Variants in NKAIN2 observed in about 807,000 individuals in gnomAD.
NKAIN2 encodes sodium/potassium transporting ATPase interacting 2, also known as sodium/potassium-transporting ATPase subunit beta-1-interacting protein 2.
NKAIN2 carries 14 observed loss-of-function variants against 32.6 expected under a neutral mutation model. The observed-to-expected ratio is 0.43, with a 90% CI of 0.28 to 0.67. The LOEUF (loss-of-function observed/expected upper bound fraction) is 0.67, where lower values mean the gene tolerates loss of function less well. Ranked by LOEUF, NKAIN2 falls within the 30% of genes least tolerant of loss-of-function variation. The pLI is 0.17. For synonymous variants in NKAIN2, 80 were observed against 87.2 expected (o/e 0.92, Z 0.46); for missense variants, 198 against 258.3 (o/e 0.77, Z 1.60).
At chr6:124,251,321 T>A (rs1159930765) in intron 1 of NKAIN2, among the ~76,000 whole-genome samples, 1 of 151,982 alleles carries the variant, frequency 6.6e-6, no homozygotes. Context: ...CATGTAAATT[T>A]TATCCAAAAG....
chr6:124,283,087 T>C lies in NKAIN2; in HGVS notation c.137T>C (p.Ile46Thr), dbSNP rs1235092034. 8.7e-6 allele frequency: 14 copies of C among 1,610,290 alleles called. No individual in the cohort carries two copies. The highest frequency in any genetic ancestry group is 1.2e-5 in the Non-Finnish European group (14 of 1,176,558). Residue 46 changes from isoleucine to threonine, a missense_variant, in exon 2 of 7, where the codon ATC (isoleucine) becomes ACC (threonine). Coordinates refer to ENST00000368417, the MANE Select transcript of NKAIN2 (RefSeq NM_001040214.3). ...CTGGCAAATTTTGTACATATTATTA[T>C]CGTCATTCTTGGTTTGTTTGGAACT... The part of the protein sequence containing the change: ...PILANFVHII[I>T]VILGLFGTIQ...
chr6:124,250,211 T>C (rs1028115059), intron 1 of NKAIN2, among the ~76,000 whole-genome samples: 3 of 152,084 alleles, frequency 2.0e-5, no homozygotes, highest in African/African-American at 4.8e-5. Flanking sequence ...GCTGGTGCCT[T>C]GATCAGGGAT....
chr6:124,395,968 A>T (rs548703421), intron 3 of NKAIN2, among the ~76,000 whole-genome samples: 6 of 152,258 alleles, frequency 3.9e-5, no homozygotes, highest in African/African-American at 1.4e-4. Flanking sequence ...ACTGTGTGCT[A>T]AGCCTCTAGG....
chr6:124,689,612 G>T (rs1254311492), intron 4 of NKAIN2, among the ~76,000 whole-genome samples: 1 of 151,872 alleles, frequency 6.6e-6, no homozygotes, highest in Non-Finnish European at 1.5e-5. Context: ...TTTAAATCTT[G>T]ATTTATTTTG....
intron 1 of NKAIN2, among the ~76,000 whole-genome samples, chr6:123,915,811 A>G (rs913154186): frequency 2.6e-5 from 4 of 152,178 alleles, no homozygotes; most frequent in Non-Finnish European, 5.9e-5. Flanking sequence ...ATTTTCCTAA[A>G]TGTTTATTAA....
chr6:124,310,793 G>T (rs1796682443), intron 2 of NKAIN2, among the ~76,000 whole-genome samples: 1 of 152,108 alleles, frequency 6.6e-6, no homozygotes, highest in Admixed American at 6.6e-5. Context: ...GATATGTTCA[G>T]AATCCCAGGC....
At chr6:124,405,219 T>C (rs1466936564) in intron 3 of NKAIN2, among the ~76,000 whole-genome samples, 3 of 152,166 alleles carry the variant, frequency 2.0e-5, no homozygotes, top group Non-Finnish European at 2.9e-5. Flanking sequence ...CAAATATGTT[T>C]TGTAAGCCTA....
chr6:124,494,373 A>G (rs1449041183), intron 3 of NKAIN2, among the ~76,000 whole-genome samples: 1 of 152,118 alleles, frequency 6.6e-6, no homozygotes, highest in Non-Finnish European at 1.5e-5. Context: ...TATTCACAAA[A>G]AAGCCCTTTA....
intron 2 of NKAIN2, among the ~76,000 whole-genome samples, chr6:124,307,868 A>T (rs1335071051): frequency 6.6e-6 from 1 of 152,234 alleles, no homozygotes; most frequent in Admixed American, 6.5e-5. Context: ...CTTTCTAATT[A>T]TCAGAATTTA....
intron 1 of NKAIN2, among the ~76,000 whole-genome samples, chr6:124,179,273 G>A (rs993055106): frequency 1.3e-5 from 2 of 152,170 alleles, no homozygotes; most frequent in African/African-American, 4.8e-5. Flanking sequence ...GGAAGAGTTT[G>A]TCAATACAGG....
intron 1 of NKAIN2, among the ~76,000 whole-genome samples, chr6:124,012,333 G>T (rs1035676540): frequency 7.3e-4 from 83 of 113,848 alleles, no homozygotes; most frequent in Non-Finnish European, 1.9e-4. Flanking sequence ...CACTCTACAT[G>T]ATTTTTTTTT....
intron 1 of NKAIN2, among the ~76,000 whole-genome samples, chr6:123,879,290 T>C (rs930590749): frequency 6.6e-6 from 1 of 152,156 alleles, no homozygotes; most frequent in Non-Finnish European, 1.5e-5. Context: ...ATGTGTCTAT[T>C]TATGTAGTAT....
At chr6:124,532,619 G>A (rs997859190) in intron 3 of NKAIN2, among the ~76,000 whole-genome samples, 16 of 152,146 alleles carry the variant, frequency 1.1e-4, no homozygotes, top group African/African-American at 3.6e-4. Context: ...GTATGGTCCC[G>A]CCTATTTAGG....
intron 1 of NKAIN2, among the ~76,000 whole-genome samples, chr6:124,250,338 A>C (rs1383877763): frequency 6.6e-6 from 1 of 152,108 alleles, no homozygotes; most frequent in African/African-American, 2.4e-5. Flanking sequence ...CCAATCTTAA[A>C]ATCCAGTAAT....
At chr6:124,320,202 AT>A (rs1264104675) in intron 2 of NKAIN2, among the ~76,000 whole-genome samples, 1 of 152,074 alleles carries the variant, frequency 6.6e-6, no homozygotes, top group Non-Finnish European at 1.5e-5. Context: ...AATGTCAGCT[AT>A]TTGCTCTCAT....
At chr6:124,435,990 C>T (rs765986688) in intron 3 of NKAIN2, among the ~76,000 whole-genome samples, 10 of 152,046 alleles carry the variant, frequency 6.6e-5, no homozygotes, top group East Asian at 1.9e-4. Context: ...GCTCTACGGA[C>T]GAAATATTCA....
At chr6:123,869,967 T>C (rs1426372948) in intron 1 of NKAIN2, among the ~76,000 whole-genome samples, 1 of 152,228 alleles carries the variant, frequency 6.6e-6, no homozygotes, top group African/African-American at 2.4e-5. Context: ...GTTGAAAATA[T>C]TTTATCAAAA....
At chr6:124,526,323 G>C (rs949521180) in intron 3 of NKAIN2, among the ~76,000 whole-genome samples, 1 of 152,086 alleles carries the variant, frequency 6.6e-6, no homozygotes, top group African/African-American at 2.4e-5. Context: ...TGGTAGGCAA[G>C]AAGAAGCACT....
chr6:124,058,212 T>G (rs926272366), intron 1 of NKAIN2, among the ~76,000 whole-genome samples: 2 of 151,204 alleles, frequency 1.3e-5, no homozygotes, highest in African/African-American at 2.4e-5. Context: ...TTGTTTTTTT[T>G]TTTTTTTTCG....
Sources: allele counts gnomAD v4.1 joint callset (sites outside exome capture counted in the v4.1 genomes callset), GRCh38; gene constraint gnomAD v4.1.1; transcripts MANE v1.5; gene names NCBI Gene and HGNC (gene_info 2026-07-23, HGNC 2026-07-21).